The following PTPRK variants were observed in gnomAD, a reference collection of about 807,000 sequenced individuals.
PTPRK encodes protein tyrosine phosphatase receptor type K.
Under a neutral mutation model 178.0 loss-of-function variants are expected in PTPRK, and 75 were observed. The observed-to-expected ratio is 0.42, with a 90% CI of 0.35 to 0.51. The LOEUF (loss-of-function observed/expected upper bound fraction) is 0.51. Among genes scored for constraint, PTPRK ranks in the 20% least tolerant of loss-of-function variants. The pLI, the probability that PTPRK is intolerant of heterozygous loss-of-function variation, is 0.02. For missense variants in PTPRK, 1,441 were observed against 1,797.8 expected (o/e 0.80, Z 3.59); for synonymous variants, 637 against 620.6 (o/e 1.03, Z -0.39).
chr6:128,233,124 T>C (rs1011210821), intron 5 of PTPRK, among the ~76,000 whole-genome samples: 10 of 152,252 alleles, frequency 6.6e-5, no homozygotes, highest in Non-Finnish European at 1.3e-4. Flanking sequence ...GTAAAATCTC[T>C]TGCAGAAATT....
At chr6:128,319,131 G>C (rs370733105) in intron 3 of PTPRK, among the ~76,000 whole-genome samples, 5 of 152,268 alleles carry the variant, frequency 3.3e-5, no homozygotes, top group African/African-American at 1.2e-4. Flanking sequence ...AAAATACACA[G>C]TACAGTGGAA....
intron 7 of PTPRK, among the ~76,000 whole-genome samples, chr6:128,104,290 G>C (rs995224920): frequency 6.6e-6 from 1 of 152,010 alleles, no homozygotes; most frequent in African/African-American, 2.4e-5. Flanking sequence ...ACAGTGGTGC[G>C]ATCTCGGCTC....
intron 1 of PTPRK, among the ~76,000 whole-genome samples, chr6:128,479,038 A>G (rs78307038): frequency 0.01 from 1,550 of 152,130 alleles, 22 homozygotes; most frequent in Middle Eastern, 0.037. Context: ...AGGGGGATAG[A>G]TTTGAAGCTG....
At chr6:128,305,946 A>C (rs1826313471) in intron 3 of PTPRK, among the ~76,000 whole-genome samples, 1 of 152,230 alleles carries the variant, frequency 6.6e-6, no homozygotes, top group Non-Finnish European at 1.5e-5. Flanking sequence ...GGTAATTTAC[A>C]ATCATGGCAG....
chr6:128,281,993 A>T (rs758898635), intron 3 of PTPRK, among the ~76,000 whole-genome samples: 1 of 152,192 alleles, frequency 6.6e-6, no homozygotes, highest in South Asian at 2.1e-4. Flanking sequence ...TGAGAGAAAA[A>T]AAAAGAAGGA....
intron 5 of PTPRK, among the ~76,000 whole-genome samples, chr6:128,225,713 C>T (rs1811180058): frequency 6.6e-6 from 1 of 151,876 alleles, no homozygotes; most frequent in Admixed American, 6.6e-5. Flanking sequence ...GAGAGAAGCA[C>T]TGTTTCTTAT....
intron 2 of PTPRK, among the ~76,000 whole-genome samples, chr6:128,383,784 G>C (rs1838292349): frequency 6.6e-6 from 1 of 152,084 alleles, no homozygotes; most frequent in Non-Finnish European, 1.5e-5. Flanking sequence ...GTGGTTTTAT[G>C]AACAATAGCA....
chr6:128,443,807 G>A (rs1054805896), intron 1 of PTPRK, among the ~76,000 whole-genome samples: 1 of 152,138 alleles, frequency 6.6e-6, no homozygotes, highest in Non-Finnish European at 1.5e-5. Context: ...TATGGAAAGA[G>A]TGAAAGTTTC....
intron 6 of PTPRK, among the ~76,000 whole-genome samples, chr6:128,207,516 T>A (rs1396770606): frequency 2.0e-5 from 3 of 152,194 alleles, no homozygotes; most frequent in African/African-American, 7.2e-5. Flanking sequence ...TTTGAATATT[T>A]ATCTATAAAC....
intron 1 of PTPRK, among the ~76,000 whole-genome samples, chr6:128,480,523 C>T (rs1198775232): frequency 2.0e-5 from 3 of 152,170 alleles, no homozygotes; most frequent in Non-Finnish European, 2.9e-5. Context: ...GTGGTTCCAG[C>T]TCATGTCCTT....
intron 3 of PTPRK, among the ~76,000 whole-genome samples, chr6:128,286,664 G>A (rs1472990751): frequency 2.0e-5 from 3 of 152,136 alleles, no homozygotes; most frequent in South Asian, 2.1e-4. Flanking sequence ...TACAGTTCAT[G>A]TTATTCTGCT....
chr6:128,159,105 C>G (rs1798332926), intron 7 of PTPRK, among the ~76,000 whole-genome samples: 1 of 151,630 alleles, frequency 6.6e-6, no homozygotes, highest in African/African-American at 2.4e-5. Flanking sequence ...AGAGACAGTA[C>G]AGAAATGCCT....
At chr6:128,333,126 T>G (rs1217038943) in intron 2 of PTPRK, among the ~76,000 whole-genome samples, 1 of 152,180 alleles carries the variant, frequency 6.6e-6, no homozygotes, top group Non-Finnish European at 1.5e-5. Context: ...TAATCATCAC[T>G]CACCTTTCCA....
intron 2 of PTPRK, among the ~76,000 whole-genome samples, chr6:128,389,734 T>C (rs975372878): frequency 2.0e-5 from 3 of 152,008 alleles, no homozygotes; most frequent in African/African-American, 7.2e-5. Context: ...CTATATTCAT[T>C]TTTATTTCCT....
intron 1 of PTPRK, among the ~76,000 whole-genome samples, chr6:128,465,876 G>C (rs1849783777): frequency 6.6e-6 from 1 of 152,128 alleles, no homozygotes; most frequent in African/African-American, 2.4e-5. Context: ...AAGAGGCATG[G>C]GAGGCAGACC....
chr6:128,321,105 A>G (rs1457123249), intron 3 of PTPRK: 1 of 152,152 alleles, frequency 6.6e-6, no homozygotes, highest in Non-Finnish European at 1.5e-5. Context: ...ACTTAAAGAC[A>G]TAATTCATTT....
intron 2 of PTPRK, among the ~76,000 whole-genome samples, chr6:128,375,207 C>T (rs1836886407): frequency 6.6e-6 from 1 of 151,504 alleles, no homozygotes; most frequent in Admixed American, 6.6e-5. Flanking sequence ...GGCACACAAA[C>T]TGTATAAGTT....
chr6:128,060,423 A>G (rs1780614660), intron 13 of PTPRK, among the ~76,000 whole-genome samples: 1 of 152,166 alleles, frequency 6.6e-6, no homozygotes, highest in Non-Finnish European at 1.5e-5. Flanking sequence ...TCTCATTATA[A>G]TGTCCTGTAT....
At chr6:128,445,529 A>AAG (rs2128402688) in intron 1 of PTPRK, among the ~76,000 whole-genome samples, 1 of 150,498 alleles carries the variant, frequency 6.6e-6, no homozygotes, top group African/African-American at 2.4e-5. Context: ...AAGTATATGT[A>AAG]TATATATATA....
Sources: allele counts gnomAD v4.1 joint callset (sites outside exome capture counted in the v4.1 genomes callset), GRCh38; gene constraint gnomAD v4.1.1; transcripts MANE v1.5; gene names NCBI Gene and HGNC (gene_info 2026-07-23, HGNC 2026-07-21).